Variants in ZNF462 observed in about 807,000 individuals in gnomAD.
The protein encoded by ZNF462 is zinc finger PBX1-interacting protein.
Under a neutral mutation model 201.9 loss-of-function variants are expected in ZNF462, and 10 were observed. The observed-to-expected ratio is 0.05, with a 90% CI of 0.03 to 0.08. The LOEUF is 0.08. ZNF462 is among the 10% of genes least tolerant of loss of function. ZNF462 has a pLI of 1.00. For missense variants in ZNF462, 2,523 were observed against 3,168.3 expected (o/e 0.80, Z 4.89); for synonymous variants, 1,227 against 1,193.3 (o/e 1.03, Z -0.58).
chr9:106,941,307 A>G (rs962937638), intron 7 of ZNF462, among the ~76,000 whole-genome samples: 3 of 152,204 alleles, frequency 2.0e-5, no homozygotes, highest in Non-Finnish European at 2.9e-5. Context: ...AGATGATACT[A>G]TTAGCGCTTA....
chr9:106,963,117 T>C lies in ZNF462; in HGVS notation c.6428-8888T>C, dbSNP rs1423081425. Among the ~76,000 whole-genome samples the C allele has an allele frequency of 6.6e-6, 1 of 152,102 alleles. No individual in the cohort carries two copies. The highest frequency in any genetic ancestry group is 1.5e-5 in the Non-Finnish European group (1 of 67,994). ...TTTGAGGCTCTTCAGAGGAAATACT[T>C]GGAAAGTTGCATTGGTGATTTGTGG... On this transcript the variant is annotated intron_variant, in intron 7 of 12. Transcript: ENST00000277225. The surrounding 1 kb of genome is among the most constrained non-coding windows in gnomAD (Gnocchi z 4.7).
In ZNF462 at chr9:106,927,482, T is replaced by C; in HGVS notation, c.3570T>C (p.Asn1190=). Residue 1190 remains asparagine (N), a synonymous_variant, in exon 3 of 13, where the codon AAT becomes AAC. Transcript: ENST00000277225. ...AGAGAGATGGCCCTCCTGTGGAGAA[T>C]GAGATGTTCTTTTGCCAGCACTGTG... ...SSERDGPPVE[N]EMFFCQHCDY... The C allele has an allele frequency of 1.2e-6, 2 of 1,610,930 alleles. No homozygotes were observed. The highest frequency in any genetic ancestry group is 1.7e-5 in the Admixed American group (1 of 59,732).
In ZNF462 at chr9:106,940,610, G is replaced by A. The variant is rs1830826409; in HGVS notation, c.6427+1503G>A. On this transcript the variant is annotated intron_variant, in intron 7 of 12. Coordinates refer to ENST00000277225, the MANE Select transcript of ZNF462 (RefSeq NM_021224.6). ...ATCATTTATAGTGTTCAACACTATA[G>A]CTCCTTACTGGTGTCCCGGCCTTAA... Among the ~76,000 whole-genome samples the A allele has an allele frequency of 2.6e-5, 4 of 152,178 alleles. No individual in the cohort carries two copies. In the South Asian group the frequency reaches 8.3e-4, roughly 32 times the overall value.
rs769001700 is a variant in ZNF462 at position 107,011,046 on chromosome 9, C to G, written c.*16C>G. The G allele has an allele frequency of 6.2e-7, 1 of 1,610,972 alleles. No individual in the cohort carries two copies. Among genetic ancestry groups the G allele is most frequent in the Admixed American group, 1.7e-5 (1 of 59,928 alleles). ...AAAAGAATGAGCGTTTGGTGAAATT[C>G]TTAATCAAACCTTACTTGAACAGTG... On this transcript the variant is annotated 3_prime_UTR_variant, in exon 13 of 13. Coordinates refer to ENST00000277225, the MANE Select transcript of ZNF462 (RefSeq NM_021224.6). The surrounding 1 kb of genome is among the most constrained non-coding windows in gnomAD (Gnocchi z 5.6).
Position 106,905,345 on chromosome 9 carries a change from C to T in ZNF462, c.-30-18009C>T, listed in dbSNP as rs1004712513. On this transcript the variant is annotated intron_variant, in intron 1 of 12. Transcript: ENST00000277225. This position sits in a 1 kb window ranked among gnomAD's most constrained non-coding sequence, Gnocchi z 5.9. ...GAGGTGGCAGAGTGTGCAATGGACT[C>T]TCTGAGGGTCCTTAGCTTTGGTGAT... Among the ~76,000 whole-genome samples the T allele has an allele frequency of 5.3e-5, 8 of 152,184 alleles. 1 individual carries two copies. The highest frequency in any genetic ancestry group is 3.9e-4 in the Admixed American group (6 of 15,302).
At chr9:106,936,912 G>T (rs982103784) in intron 6 of ZNF462, among the ~76,000 whole-genome samples, 19 of 152,104 alleles carry the variant, frequency 1.2e-4, no homozygotes, top group Admixed American at 7.2e-4. Flanking sequence ...CTCACTGGCT[G>T]GCAGGAAGAG....
At chr9:106,906,288 C>G (rs1257616517) in intron 1 of ZNF462, among the ~76,000 whole-genome samples, 1 of 152,150 alleles carries the variant, frequency 6.6e-6, no homozygotes, top group African/African-American at 2.4e-5. Context: ...TTCAGAGGGC[C>G]TGTGGGGTCC....
At position 106,978,339 on chromosome 9, in the gene ZNF462, G is replaced by A. The variant is rs78483634; in HGVS notation, c.6832+4066G>A. Among the ~76,000 whole-genome samples, 3,477 of 151,660 alleles carry A rather than the reference G, an allele frequency of 0.023. 285 individuals carry two copies. The highest frequency in any genetic ancestry group is 0.079 in the African/African-American group (3,252 of 40,938). ...CATTTCCGGGGTCCTGAAGAGAATA[G>A]GAAGCATACCAGAGAAGTATGTTCT... On this transcript the variant is annotated intron_variant, in intron 9 of 12. Transcript: ENST00000277225. This position sits in a 1 kb window ranked among gnomAD's most constrained non-coding sequence, Gnocchi z 4.1.
chr9:106,927,245 T>G lies in ZNF462; in HGVS notation c.3333T>G (p.Thr1111=). ...AACCCCCGCCACCAGACCTCAGTACTGAGCTTTACTACTGCAAACACTGTT... is the reference window on the plus strand; with the variant it reads ...AACCCCCGCCACCAGACCTCAGTACGGAGCTTTACTACTGCAAACACTGTT... ...PPQPPPPDLS[T]ELYYCKHCSY... is the part of the protein sequence containing the mutation. Residue 1111 remains threonine, a synonymous_variant, in exon 3 of 13, where the codon ACT becomes ACG. Coordinates refer to ENST00000277225, the MANE Select transcript of ZNF462 (RefSeq NM_021224.6). 7.8e-7 allele frequency: 1 copy of G among 1,277,654 alleles called. No individual in the cohort carries two copies. Among genetic ancestry groups the G allele is most frequent in the Non-Finnish European group, 1.1e-6 (1 of 950,146 alleles). The allele number at this position is 1,277,654 out of a possible 1,614,324, so 79.1% of individuals were successfully genotyped here.
chr9:106,969,393 G>T (rs1826467321), intron 7 of ZNF462, among the ~76,000 whole-genome samples: 1 of 152,110 alleles, frequency 6.6e-6, no homozygotes, highest in African/African-American at 2.4e-5. Flanking sequence ...TTAAAATATA[G>T]AATTTGTTTT....
In ZNF462 at chr9:107,005,174, G is replaced by T. The variant is rs751298648; in HGVS notation, c.7189+1748G>T. Among the ~76,000 whole-genome samples the T allele has an allele frequency of 2.0e-5, 3 of 152,052 alleles. No homozygotes were observed. Among genetic ancestry groups the T allele is most frequent in the Non-Finnish European group, 4.4e-5 (3 of 68,012 alleles). ...TATTATGAATAACCCTGCAGTGAAC[G>T]TGAGAGTGCAGATATTTCTTCAATA... On this transcript the variant is annotated intron_variant, in intron 11 of 12. Transcript: ENST00000277225. The surrounding 1 kb of genome is among the most constrained non-coding windows in gnomAD (Gnocchi z 4.4).
intron 7 of ZNF462, among the ~76,000 whole-genome samples, chr9:106,955,718 A>T (rs534386429): frequency 4.9e-4 from 74 of 152,334 alleles, no homozygotes; most frequent in African/African-American, 1.7e-3. Context: ...AGCTAAGTTT[A>T]TGAAATATGC....
intron 7 of ZNF462, among the ~76,000 whole-genome samples, chr9:106,967,522 A>G (rs1160118047): frequency 1.3e-5 from 2 of 152,154 alleles, no homozygotes; most frequent in South Asian, 2.1e-4. Context: ...AAAAAGTCCA[A>G]TTTCTCCAGG....
rs1326570578 is a variant in ZNF462 at position 106,935,259 on chromosome 9, T to C, written c.6117-244T>C. On this transcript the variant is annotated intron_variant, in intron 5 of 12. Transcript: ENST00000277225. This position sits in a 1 kb window ranked among gnomAD's most constrained non-coding sequence, Gnocchi z 4.1. ...AATAAAGATTCTTACCATGACCTGT[T>C]ACCACTGCCATATCTCTAAATCCAA... Among the ~76,000 whole-genome samples the C allele has an allele frequency of 3.9e-5, 6 of 151,942 alleles. No homozygotes were observed. Among genetic ancestry groups the C allele is most frequent in the Admixed American group, 1.3e-4 (2 of 15,268 alleles).
At position 106,885,491 on chromosome 9, in the gene ZNF462, G is replaced by A. The variant is rs548124568; in HGVS notation, c.-31+22136G>A. On this transcript the variant is annotated intron_variant, in intron 1 of 12. Coordinates refer to ENST00000277225, the MANE Select transcript of ZNF462 (RefSeq NM_021224.6). This position sits in a 1 kb window ranked among gnomAD's most constrained non-coding sequence, Gnocchi z 4.1. ...GCCATGCTTAGAAGGTTCAAGAAAG[G>A]GAGTATAGTCTCTTTAAAGTTATTT... Among the ~76,000 whole-genome samples, 17 of 152,266 alleles carry A rather than the reference G, an allele frequency of 1.1e-4. No individual in the cohort carries two copies. The highest frequency in any genetic ancestry group is 3.8e-4 in the African/African-American group (16 of 41,560).
intron 7 of ZNF462, among the ~76,000 whole-genome samples, chr9:106,951,704 G>A (rs1831355879): frequency 6.6e-6 from 1 of 152,072 alleles, no homozygotes; most frequent in African/African-American, 2.4e-5. Context: ...TGACAGCAAC[G>A]GATCTGCAAC....
intron 1 of ZNF462, among the ~76,000 whole-genome samples, chr9:106,916,460 T>C (rs977220711): frequency 6.6e-6 from 1 of 152,200 alleles, no homozygotes; most frequent in African/African-American, 2.4e-5. Flanking sequence ...ATTTTTGTAA[T>C]GAGAGTTCTT....
chr9:106,899,860 C>T (rs1828980969), intron 1 of ZNF462, among the ~76,000 whole-genome samples: 1 of 151,166 alleles, frequency 6.6e-6, no homozygotes, highest in South Asian at 2.1e-4. Flanking sequence ...TTTTACTTTT[C>T]CATAAGTTAT....
intron 7 of ZNF462, among the ~76,000 whole-genome samples, chr9:106,959,831 A>T (rs752473351): frequency 2.6e-5 from 4 of 152,114 alleles, no homozygotes; most frequent in Admixed American, 1.3e-4. Context: ...TGATCCCTCC[A>T]GCTTCTTGGA....
Sources: allele counts gnomAD v4.1 joint callset (sites outside exome capture counted in the v4.1 genomes callset), GRCh38; gene constraint gnomAD v4.1.1; non-coding constraint Gnocchi (gnomAD v3.1); transcripts MANE v1.5; gene names NCBI Gene and HGNC (gene_info 2026-07-23, HGNC 2026-07-21).